Variants in NEDD9 observed in about 807,000 individuals in gnomAD.
The protein encoded by NEDD9 is enhancer of filamentation 1.
In NEDD9, 26 loss-of-function variants were observed where a neutral mutation model predicts 76.6. That is an observed-to-expected ratio of 0.34 (90% CI 0.25 to 0.47). The LOEUF (loss-of-function observed/expected upper bound fraction) is 0.47, where lower values mean the gene tolerates loss of function less well. NEDD9 is among the 20% of genes least tolerant of loss of function. The pLI, the probability that NEDD9 is intolerant of heterozygous loss-of-function variation, is 1.00. For synonymous variants in NEDD9, 392 were observed against 414.2 expected, an observed-to-expected ratio of 0.95 and a Z score of 0.65; for missense variants, 937 against 1,058.5, an observed-to-expected ratio of 0.89 and a Z score of 1.59.
chr6:11,239,645 A>G (rs890042345), intron 3 of NEDD9, among the ~76,000 whole-genome samples: 5 of 152,284 alleles, frequency 3.3e-5, no homozygotes, highest in Admixed American at 1.3e-4. Context: ...ATATTTTGGC[A>G]CAAGAGACCT....
chr6:11,205,052 C>T (rs761994204), intron 2 of NEDD9, among the ~76,000 whole-genome samples: 11 of 152,174 alleles, frequency 7.2e-5, no homozygotes, highest in Non-Finnish European at 1.5e-4. Flanking sequence ...TCCAAATATG[C>T]CTTCTTCTTT....
intron 3 of NEDD9, among the ~76,000 whole-genome samples, chr6:11,296,664 CCTTT>C (rs1760896652): frequency 8.3e-6 from 1 of 119,994 alleles, no homozygotes; most frequent in African/African-American, 3.5e-5. Context: ...CCTTTCCTTT[CCTTT>C]CCTTTCCTTT....
chr6:11,190,715 G>A lies in NEDD9; in HGVS notation c.1154C>T (p.Thr385Ile). 3 of 1,614,166 alleles carry A rather than the reference G, an allele frequency of 1.9e-6. No homozygotes were observed. In the South Asian group the frequency reaches 3.3e-5, roughly 18 times the overall value. ...TGACAGTGAGGACTCCTTGGAGGAGGTGGAAGACGTGGACATGTTACTCCG... is the reference window on the plus strand; with the variant it reads ...TGACAGTGAGGACTCCTTGGAGGAGATGGAAGACGTGGACATGTTACTCCG... ...STRSNMSTSS[T>I]SSKESSLSAS... The change falls in exon 5 of 7, where the codon ACC (threonine) becomes ATC (isoleucine). Residue 385 changes from threonine (T) to isoleucine (I), a missense_variant. Thr to Ile is a moderately conservative substitution (Grantham distance 89, BLOSUM62 -1). Coordinates refer to ENST00000379446, the MANE Select transcript of NEDD9 (RefSeq NM_006403.4). The surrounding 1 kb of genome is among the most constrained non-coding windows in gnomAD (Gnocchi z 5.8).
intron 2 of NEDD9, among the ~76,000 whole-genome samples, chr6:11,332,176 G>A (rs1371102447): frequency 1.3e-5 from 2 of 152,214 alleles, no homozygotes. Flanking sequence ...CAAGATCTAT[G>A]AAATGTCCTT....
intron 2 of NEDD9, among the ~76,000 whole-genome samples, chr6:11,314,065 T>C (rs1761466660): frequency 6.6e-6 from 1 of 152,208 alleles, no homozygotes; most frequent in Non-Finnish European, 1.5e-5. Context: ...CAATTCAATT[T>C]GTAAGCCTTT....
At chr6:11,187,145 T>C (rs149017669) in intron 6 of NEDD9, among the ~76,000 whole-genome samples, 102 of 152,254 alleles carry the variant, frequency 6.7e-4, no homozygotes, top group Non-Finnish European at 9.3e-4. Context: ...GGGGGTACTT[T>C]CCCATTTTAT....
chr6:11,364,563 G>A (rs187887376), intron 1 of NEDD9, among the ~76,000 whole-genome samples: 1 of 152,120 alleles, frequency 6.6e-6, no homozygotes, highest in South Asian at 2.1e-4. Context: ...GCACAACTAG[G>A]ATTTGAACCC....
chr6:11,346,278 G>A (rs1762362055), intron 1 of NEDD9, among the ~76,000 whole-genome samples: 1 of 152,168 alleles, frequency 6.6e-6, no homozygotes, highest in Admixed American at 6.5e-5. Flanking sequence ...GAAGGGTTTT[G>A]TTCTGCACTA....
chr6:11,284,480 G>A (rs2113363777), intron 3 of NEDD9, among the ~76,000 whole-genome samples: 1 of 151,540 alleles, frequency 6.6e-6, no homozygotes, highest in East Asian at 1.9e-4. Context: ...GCAGGAGAAT[G>A]GCGTGAACCC....
Position 11,213,381 on chromosome 6 carries a change from A to G in NEDD9, c.359T>C (p.Val120Ala). ...PSYQNQGIYQ[V>A]PTGHGTQEQE... ...TTCTTGGGTGCCGTGGCCAGTGGGG[A>G]CTTGGTAAATTCCCTGATTTTGGTA... The change falls in exon 2 of 7, where the codon GTC (valine) becomes GCC (alanine). Residue 120 changes from valine (V) to alanine (A), a missense_variant. By Grantham distance (64) the Val-to-Ala change is moderately conservative (BLOSUM62 0). Coordinates refer to ENST00000379446, the MANE Select transcript of NEDD9 (RefSeq NM_006403.4). This position sits in a 1 kb window ranked among gnomAD's most constrained non-coding sequence, Gnocchi z 5.4. The G allele has an allele frequency of 6.2e-7, 1 of 1,613,338 alleles. No individual in the cohort carries two copies. The highest frequency in any genetic ancestry group is 8.5e-7 in the Non-Finnish European group (1 of 1,179,898).
chr6:11,183,965 T>C lies in NEDD9; in HGVS notation c.*1197A>G, dbSNP rs1427643614. ...CTAACAGATGTGAGGAGACAGACTA[T>C]GGAATGGACGCTGTGACTATCTGTG... On this transcript the variant is annotated 3_prime_UTR_variant, in exon 7 of 7. Coordinates refer to ENST00000379446, the MANE Select transcript of NEDD9 (RefSeq NM_006403.4). The C allele has an allele frequency of 6.6e-6, 1 of 152,164 alleles. No homozygotes were observed. Among genetic ancestry groups the C allele is most frequent in the East Asian group, 1.9e-4 (1 of 5,194 alleles). The allele number at this position is 152,164 out of a possible 1,614,324, so 9.4% of individuals were successfully genotyped here.
At chr6:11,330,896 G>A (rs16871276) in intron 2 of NEDD9, among the ~76,000 whole-genome samples, 4 of 152,132 alleles carry the variant, frequency 2.6e-5, no homozygotes. Context: ...CACTGCTTTA[G>A]GGTCTGAGTA....
intron 6 of NEDD9, among the ~76,000 whole-genome samples, chr6:11,187,549 G>T (rs1364028515): frequency 6.6e-6 from 1 of 150,386 alleles, no homozygotes; most frequent in Non-Finnish European, 1.5e-5. Flanking sequence ...GAGACAGAAA[G>T]AGAGAGAGAG....
chr6:11,283,490 G>A (rs1374238352), intron 3 of NEDD9, among the ~76,000 whole-genome samples: 1 of 152,120 alleles, frequency 6.6e-6, no homozygotes, highest in Non-Finnish European at 1.5e-5. Context: ...GTAGAATCTT[G>A]GTTACAGAGG....
intron 2 of NEDD9, among the ~76,000 whole-genome samples, chr6:11,310,349 T>A (rs1375916754): frequency 2.0e-5 from 3 of 152,218 alleles, no homozygotes; most frequent in African/African-American, 7.2e-5. Context: ...GCTTCCCTAC[T>A]TCACCCTCCT....
In NEDD9 at chr6:11,204,719, C is replaced by CAAAAA. The variant is rs58621043; in HGVS notation, c.459+8557_459+8561dup. Among the ~76,000 whole-genome samples, 15 of 65,150 alleles carry CAAAAA rather than the reference C, an allele frequency of 2.3e-4. No individual in the cohort carries two copies. The East Asian group carries it at 3.0e-3, about 13-fold the overall frequency. The allele number at this position is 65,150 out of a possible 152,430, so 42.7% of individuals were successfully genotyped here. A position where few individuals can be genotyped will look rare whatever the true frequency, so the allele number is the denominator to read the frequency against. ...TGGTCAACAGAGGGAGGGTCCGTCT[C>CAAAAA]AAAAAAAAAAAAAAAAAAGAAAGAA... is the stretch of plus-strand genomic sequence containing the variant. On this transcript the variant is annotated intron_variant, in intron 2 of 6. Coordinates refer to ENST00000379446, the MANE Select transcript of NEDD9 (RefSeq NM_006403.4).
intron 1 of NEDD9, among the ~76,000 whole-genome samples, chr6:11,366,405 G>GAAGAA (rs139847109): frequency 0.37 from 54,804 of 147,124 alleles, 10,498 homozygotes; most frequent in Admixed American, 0.41. Flanking sequence ...AGAAATAAAA[G>GAAGAA]AAGAAAGAAA....
chr6:11,298,340 T>TG (rs980359155), intron 3 of NEDD9, among the ~76,000 whole-genome samples: 1 of 152,080 alleles, frequency 6.6e-6, no homozygotes, highest in African/African-American at 2.4e-5. Context: ...AGTTTAATAA[T>TG]GGGGGAAAAA....
intron 3 of NEDD9, among the ~76,000 whole-genome samples, chr6:11,305,661 CT>C (rs1477064637): frequency 6.6e-6 from 1 of 152,210 alleles, no homozygotes; most frequent in Non-Finnish European, 1.5e-5. Context: ...GGGCAATCAG[CT>C]TCTGAATGAA....
Sources: allele counts gnomAD v4.1 joint callset (sites outside exome capture counted in the v4.1 genomes callset), GRCh38; gene constraint gnomAD v4.1.1; non-coding constraint Gnocchi (gnomAD v3.1); transcripts MANE v1.5; gene names NCBI Gene and HGNC (gene_info 2026-07-23, HGNC 2026-07-21).